ANKS1B: variants seen among roughly 807,000 people sequenced by gnomAD.
ANKS1B encodes the protein ankyrin repeat and sterile alpha motif domain containing 1B.
ANKS1B carries 36 observed loss-of-function variants against 148.3 expected under a neutral mutation model. That is an observed-to-expected ratio of 0.24 (90% confidence interval 0.19 to 0.32). The LOEUF (loss-of-function observed/expected upper bound fraction) is 0.32, where lower values mean the gene tolerates loss of function less well. ANKS1B is among the 10% of genes least tolerant of loss of function. The pLI is 1.00. For synonymous variants in ANKS1B, 542 were observed against 560.8 expected (o/e 0.97, Z 0.47); for missense variants, 1,157 against 1,542.6 (o/e 0.75, Z 4.19).
At chr12:98,924,255 A>G (rs2152925343) in intron 17 of ANKS1B, among the ~76,000 whole-genome samples, 1 of 152,352 alleles carries the variant, frequency 6.6e-6, no homozygotes, top group East Asian at 1.9e-4. Flanking sequence ...TATTCTTGCT[A>G]AGTTACTACT....
chr12:99,262,637 C>T (rs2076039081), intron 12 of ANKS1B, among the ~76,000 whole-genome samples: 1 of 151,482 alleles, frequency 6.6e-6, no homozygotes, highest in Non-Finnish European at 1.5e-5. Flanking sequence ...ACATTATTTT[C>T]CCCCAATGAA....
chr12:99,944,921 T>A (rs1047639614), intron 1 of ANKS1B, among the ~76,000 whole-genome samples: 1 of 152,070 alleles, frequency 6.6e-6, no homozygotes, highest in Non-Finnish European at 1.5e-5. Flanking sequence ...TTAGACATGC[T>A]GAAATGGGGA....
intron 1 of ANKS1B, among the ~76,000 whole-genome samples, chr12:99,937,734 A>G (rs1385669023): frequency 6.6e-6 from 1 of 152,140 alleles, no homozygotes; most frequent in Admixed American, 6.6e-5. Flanking sequence ...TTCTTCTGAG[A>G]AAAGGGGTAT....
intron 15 of ANKS1B, among the ~76,000 whole-genome samples, chr12:99,134,147 C>T (rs1406183222): frequency 6.6e-6 from 1 of 152,078 alleles, no homozygotes; most frequent in Non-Finnish European, 1.5e-5. Flanking sequence ...CACTTGGTAT[C>T]ATCTAATGAA....
chr12:98,977,311 T>A (rs942812578), intron 17 of ANKS1B, among the ~76,000 whole-genome samples: 2 of 152,240 alleles, frequency 1.3e-5, no homozygotes, highest in Non-Finnish European at 2.9e-5. Context: ...TTAAGAAATT[T>A]GCATTTCATT....
At chr12:99,232,254 A>C in intron 14 of ANKS1B, among the ~76,000 whole-genome samples, 1 of 152,342 alleles carries the variant, frequency 6.6e-6, no homozygotes. Context: ...GATGGCATTT[A>C]TATATTGACA....
chr12:98,796,320 C>A (rs1021503885), intron 22 of ANKS1B, among the ~76,000 whole-genome samples: 3 of 152,118 alleles, frequency 2.0e-5, no homozygotes, highest in Non-Finnish European at 4.4e-5. Flanking sequence ...ACAGGTAACT[C>A]TTAATCTACA....
At chr12:98,828,723 C>T (rs1057229901) in intron 19 of ANKS1B, among the ~76,000 whole-genome samples, 6 of 152,266 alleles carry the variant, frequency 3.9e-5, no homozygotes, top group South Asian at 2.1e-4. Context: ...TATGAGAAAA[C>T]GCAACTAGTC....
chr12:99,138,558 T>C (rs891307043), intron 15 of ANKS1B, among the ~76,000 whole-genome samples: 1 of 152,236 alleles, frequency 6.6e-6, no homozygotes, highest in African/African-American at 2.4e-5. Flanking sequence ...TGCTGTCATC[T>C]GGGTGAGCCT....
At position 99,707,456 on chromosome 12, in the gene ANKS1B, A is replaced by T. The variant is rs138339636; in HGVS notation, c.1129-52246T>A. ...TTTAGAGGGAAAAGTCATAAGAGGT[A>T]ACACATAATAGAAATCTTCTATTTA... is the stretch of plus-strand genomic sequence containing the variant. On this transcript the variant is annotated intron_variant, in intron 8 of 26. Transcript: ENST00000683438. 4.8e-3 allele frequency among the ~76,000 whole-genome samples: 730 copies of T among 152,238 alleles called. 6 individuals carry two copies. Among genetic ancestry groups the T allele is most frequent in the African/African-American group, 0.016 (653 of 41,552 alleles).
rs1189004734 is a variant in ANKS1B, at chr12:99,812,288, T to C, written c.239A>G (p.Gln80Arg). 6.2e-7 allele frequency: 1 copy of C among 1,611,288 alleles called. No individual in the cohort carries two copies. Among genetic ancestry groups the C allele is most frequent in the South Asian group, 1.1e-5 (1 of 90,958 alleles). ...TGCTACATTTGTTGATGCCTCATAC[T>C]GAAGTAGTTTGAGAACTATGTCCCT... Reference protein sequence around the residue: ...GHKDIVLKLLQYEASTNVADN... With the variant: ...GHKDIVLKLLRYEASTNVADN... Residue 80 changes from glutamine (Q) to arginine (R), a missense_variant, in exon 3 of 27, where the codon CAG (glutamine) becomes CGG (arginine). Around this residue, in one of 6 missense-constraint regions of ANKS1B, gnomAD observed 164 missense variants for 232.6 expected, o/e 0.71. Transcript: ENST00000683438.
intron 12 of ANKS1B, among the ~76,000 whole-genome samples, chr12:99,269,628 G>A (rs755289546): frequency 2.6e-5 from 4 of 151,980 alleles, no homozygotes; most frequent in Non-Finnish European, 5.9e-5. Flanking sequence ...GCGCAATCTC[G>A]GCTCACTGCA....
intron 1 of ANKS1B, among the ~76,000 whole-genome samples, chr12:99,867,846 C>T (rs1341980222): frequency 1.3e-5 from 2 of 152,092 alleles, no homozygotes; most frequent in African/African-American, 4.8e-5. Context: ...ATATCGCAGC[C>T]TCACAAGAAC....
At chr12:99,247,054 T>C (rs1022563168) in intron 12 of ANKS1B, among the ~76,000 whole-genome samples, 190 bp from the exon 13 acceptor site, 16 of 152,218 alleles carry the variant, frequency 1.1e-4, no homozygotes, top group Non-Finnish European at 1.0e-4. Context: ...TGTGTGTGCG[T>C]GTGTATGCAT....
At chr12:99,519,179 C>T (rs1202630501) in intron 9 of ANKS1B, among the ~76,000 whole-genome samples, 4 of 152,076 alleles carry the variant, frequency 2.6e-5, no homozygotes, top group African/African-American at 9.7e-5. Context: ...TGCTAAGGAA[C>T]AGAATGTGTA....
chr12:99,557,145 C>A (rs1342043551), intron 9 of ANKS1B, among the ~76,000 whole-genome samples: 1 of 152,092 alleles, frequency 6.6e-6, no homozygotes, highest in East Asian at 1.9e-4. Flanking sequence ...CAATGTGTGT[C>A]TTGGGGATGG....
chr12:99,948,951 G>T (rs1295985566), intron 1 of ANKS1B, among the ~76,000 whole-genome samples: 1 of 152,186 alleles, frequency 6.6e-6, no homozygotes, highest in Non-Finnish European at 1.5e-5. Context: ...GCTGCTAAGT[G>T]TTGGGGGATA....
intron 17 of ANKS1B, among the ~76,000 whole-genome samples, chr12:99,051,861 A>G (rs2099966288): frequency 6.6e-6 from 1 of 152,266 alleles, no homozygotes. Context: ...CAAGGAATTA[A>G]TTAGTTACTA....
At chr12:98,989,388 T>C (rs1352841957) in intron 17 of ANKS1B, among the ~76,000 whole-genome samples, 1 of 152,250 alleles carries the variant, frequency 6.6e-6, no homozygotes, top group Non-Finnish European at 1.5e-5. Flanking sequence ...GTGTGCCTTC[T>C]TGGTACCTTT....
Sources: allele counts gnomAD v4.1 joint callset (sites outside exome capture counted in the v4.1 genomes callset), GRCh38; gene constraint gnomAD v4.1.1; regional missense constraint gnomAD v4.1.1; transcripts MANE v1.5; gene names NCBI Gene and HGNC (gene_info 2026-07-23, HGNC 2026-07-21).